CHSY3: variants seen among roughly 807,000 people sequenced by gnomAD.
CHSY3 encodes the protein chondroitin sulfate synthase 3.
In CHSY3, 35 loss-of-function variants were observed where a neutral mutation model predicts 67.2. The observed-to-expected ratio is 0.52, with a 90% confidence interval of 0.40 to 0.69. CHSY3 has a LOEUF of 0.69. Among genes scored for constraint, CHSY3 ranks in the 30% least tolerant of loss-of-function variants. The probability of loss-of-function intolerance (pLI) is 0.00; values close to 1 mark genes in which losing one functional copy is unlikely to be tolerated. For missense variants in CHSY3, 1,069 were observed against 1,138.5 expected, an observed-to-expected ratio of 0.94 and a Z score of 0.88; for synonymous variants, 474 against 434.7, an observed-to-expected ratio of 1.09 and a Z score of -1.12.
intron 2 of CHSY3, among the ~76,000 whole-genome samples, chr5:130,098,010 A>T (rs1767107546): frequency 6.6e-6 from 1 of 152,172 alleles, no homozygotes; most frequent in Admixed American, 6.5e-5. Flanking sequence ...TCTCAAAAAA[A>T]GAAAGAAAAA....
intron 2 of CHSY3, among the ~76,000 whole-genome samples, chr5:130,017,252 G>C (rs1386257104): frequency 6.6e-6 from 1 of 151,622 alleles, no homozygotes; most frequent in African/African-American, 2.4e-5. Context: ...TGTATGGTTA[G>C]TGTTCAGGTT....
At chr5:129,920,625 T>G (rs1295019445) in intron 2 of CHSY3, among the ~76,000 whole-genome samples, 3 of 152,120 alleles carry the variant, frequency 2.0e-5, no homozygotes, top group African/African-American at 7.2e-5. Flanking sequence ...TGGAACACAT[T>G]TCTCATTGTC....
intron 2 of CHSY3, among the ~76,000 whole-genome samples, chr5:130,143,766 G>GTA (rs1768961914): frequency 1.0e-5 from 1 of 96,390 alleles, no homozygotes; most frequent in African/African-American, 4.9e-5. Context: ...ATGTGTGTGT[G>GTA]TGTATATATA....
At chr5:130,119,726 G>C (rs911727909) in intron 2 of CHSY3, among the ~76,000 whole-genome samples, 1 of 152,038 alleles carries the variant, frequency 6.6e-6, no homozygotes, top group African/African-American at 2.4e-5. Context: ...AAAACTAAAG[G>C]AAAGACAGGC....
intron 2 of CHSY3, among the ~76,000 whole-genome samples, chr5:130,018,519 G>A (rs983977139): frequency 1.3e-5 from 2 of 152,084 alleles, no homozygotes; most frequent in African/African-American, 4.8e-5. Context: ...ATACTGCTGT[G>A]GCTTTTATGC....
chr5:129,905,710 G>T, intron 1 of CHSY3, 79 bp downstream of exon 1: 1 of 1,547,794 alleles, frequency 6.5e-7, no homozygotes. Flanking sequence ...CCCCTGCCCA[G>T]CCCCTCCGCT....
At chr5:130,125,440 T>TAGATAGAG (rs1437710355) in intron 2 of CHSY3, among the ~76,000 whole-genome samples, 1 of 151,766 alleles carries the variant, frequency 6.6e-6, no homozygotes, top group South Asian at 2.1e-4. Context: ...GATAGATAGA[T>TAGATAGAG]AGATAGATAG....
chr5:130,031,929 G>T (rs1440866056), intron 2 of CHSY3, among the ~76,000 whole-genome samples: 1 of 152,122 alleles, frequency 6.6e-6, no homozygotes, highest in Non-Finnish European at 1.5e-5. Flanking sequence ...TTTCACAGAG[G>T]CAGGCTAGAA....
chr5:130,142,950 T>A (rs1279465400), intron 2 of CHSY3, among the ~76,000 whole-genome samples: 2 of 152,176 alleles, frequency 1.3e-5, no homozygotes, highest in African/African-American at 4.8e-5. Flanking sequence ...TAAAGACACA[T>A]TAATAATGTA....
intron 2 of CHSY3, among the ~76,000 whole-genome samples, chr5:130,072,116 T>A (rs1194261855): frequency 6.6e-6 from 1 of 152,060 alleles, no homozygotes; most frequent in Non-Finnish European, 1.5e-5. Context: ...ATCAGACATA[T>A]GGTTTGCAAA....
At chr5:130,042,307 T>C (rs1228695974) in intron 2 of CHSY3, among the ~76,000 whole-genome samples, 1 of 152,128 alleles carries the variant, frequency 6.6e-6, no homozygotes, top group Non-Finnish European at 1.5e-5. Flanking sequence ...TGCATATAAA[T>C]TTATTATAGC....
Position 129,904,991 on chromosome 5 carries a change from C to A in CHSY3, c.162C>A (p.Gly54=), listed in dbSNP as rs767688352. The A allele has an allele frequency of 1.9e-6, 3 of 1,567,708 alleles. No homozygotes were observed. The highest frequency in any genetic ancestry group is 1.7e-4 in the Middle Eastern group (1 of 5,756). ...LCSYYGRSAA[G]PRAGAQQPLP... ...CCTACTACGGTCGCTCTGCTGCTGG[C>A]CCCCGCGCCGGCGCTCAGCAGCCGC... The change falls in exon 1 of 3, where the codon GGC becomes GGA. Residue 54 remains glycine (G), a synonymous_variant. Coordinates refer to ENST00000305031, the MANE Select transcript of CHSY3 (RefSeq NM_175856.5).
chr5:130,025,210 CT>C (rs1249689469), intron 2 of CHSY3, among the ~76,000 whole-genome samples: 4 of 152,086 alleles, frequency 2.6e-5, no homozygotes, highest in Non-Finnish European at 5.9e-5. Context: ...TGAAAGGATC[CT>C]AATTTGGATT....
chr5:129,988,387 A>G (rs1651053097), intron 2 of CHSY3, among the ~76,000 whole-genome samples: 1 of 152,198 alleles, frequency 6.6e-6, no homozygotes, highest in South Asian at 2.1e-4. Context: ...TCAGAAACAG[A>G]CCTATTTATA....
chr5:130,091,188 A>T (rs1378424691), intron 2 of CHSY3, among the ~76,000 whole-genome samples: 1 of 151,694 alleles, frequency 6.6e-6, no homozygotes, highest in Non-Finnish European at 1.5e-5. Flanking sequence ...TTAATTATGG[A>T]GGCTTCTGCT....
chr5:130,088,006 G>A (rs1449958602), intron 2 of CHSY3, among the ~76,000 whole-genome samples: 2 of 152,272 alleles, frequency 1.3e-5, no homozygotes, highest in South Asian at 2.1e-4. Context: ...CATGGTAGTG[G>A]TACCAAAACA....
intron 2 of CHSY3, among the ~76,000 whole-genome samples, chr5:129,912,361 G>A (rs1760593349): frequency 6.6e-6 from 1 of 152,082 alleles, no homozygotes; most frequent in Non-Finnish European, 1.5e-5. Context: ...GAAGTGAGTA[G>A]TATCTCATTC....
intron 2 of CHSY3, among the ~76,000 whole-genome samples, chr5:130,079,172 T>C (rs1051624195): frequency 1.4e-4 from 21 of 152,128 alleles, no homozygotes; most frequent in African/African-American, 5.1e-4. Context: ...ACAACCTCCA[T>C]TCTTCCATTT....
At chr5:130,158,338 G>T (rs1769430075) in intron 2 of CHSY3, among the ~76,000 whole-genome samples, 2 of 152,176 alleles carry the variant, frequency 1.3e-5, no homozygotes, top group Admixed American at 1.3e-4. Context: ...ACATGCCAGA[G>T]TTTGAATTTC....
Sources: gnomAD v4.1 joint callset for allele counts (sites outside exome capture counted in the v4.1 genomes callset) on GRCh38, gnomAD v4.1.1 for gene constraint, MANE v1.5 for transcripts, NCBI Gene and HGNC (gene_info 2026-07-23, HGNC 2026-07-21) for gene names.